DGKB: variants seen among roughly 807,000 people sequenced by gnomAD.
DGKB encodes 90 kDa diacylglycerol kinase.
Under a neutral mutation model 114.3 loss-of-function variants are expected in DGKB, and 67 were observed. The ratio of observed to expected loss-of-function variants is 0.59; its 90% CI spans 0.48 to 0.72. The LOEUF is 0.72. Ranked by LOEUF, DGKB falls within the 30% of genes least tolerant of loss-of-function variation. The pLI is 0.00. For synonymous variants in DGKB, 398 were observed against 323.1 expected (o/e 1.23, Z -2.49); for missense variants, 907 against 975.2 (o/e 0.93, Z 0.93).
At chr7:14,910,665 C>T (rs904190912) in intron 1 of DGKB, among the ~76,000 whole-genome samples, 2 of 152,056 alleles carry the variant, frequency 1.3e-5, no homozygotes, top group Non-Finnish European at 2.9e-5. Context: ...ACTAATTTAT[C>T]CAAAGATATA....
intron 6 of DGKB, among the ~76,000 whole-genome samples, chr7:14,706,524 C>A (rs1366260265): frequency 6.8e-6 from 1 of 146,024 alleles, no homozygotes; most frequent in African/African-American, 2.6e-5. Flanking sequence ...TTTTTTTCAG[C>A]ACCACACCAC....
intron 1 of DGKB, among the ~76,000 whole-genome samples, chr7:14,900,049 T>C (rs1318572282): frequency 6.6e-6 from 1 of 152,138 alleles, no homozygotes; most frequent in Non-Finnish European, 1.5e-5. Context: ...AGAGAGCATA[T>C]GTAAAGCTCT....
rs891571317 is a variant in DGKB, at chr7:14,672,946, T to C, written c.1117A>G (p.Ile373Val). 1.3e-6 allele frequency: 2 copies of C among 1,568,526 alleles called. No individual in the cohort carries two copies. Among genetic ancestry groups the C allele is most frequent in the African/African-American group, 1.3e-5 (1 of 74,186 alleles). The change falls in exon 13 of 26, where the codon ATC (isoleucine) becomes GTC (valine). Residue 373 changes from isoleucine (I) to valine (V), a missense_variant. Ile to Val is a conservative substitution (Grantham distance 29). Transcript: ENST00000402815. ...LKDHILPPTT[I>V]CPVVLTLPTS... Reference sequence around the variant, plus strand: ...AAACTCACCAGTACCACTGGACAGATTGTTGTGGGTGGTAAAATATGGTCC... The same window carrying C: ...AAACTCACCAGTACCACTGGACAGACTGTTGTGGGTGGTAAAATATGGTCC...
At chr7:14,586,184 G>T (rs914595394) in intron 17 of DGKB, among the ~76,000 whole-genome samples, 1 of 152,228 alleles carries the variant, frequency 6.6e-6, no homozygotes, top group East Asian at 1.9e-4. Flanking sequence ...CGAAGGCAAA[G>T]TTATTGAAGG....
rs547662392 is a variant in DGKB, at chr7:14,488,260, C to A, written c.1771-10035G>T. 4.6e-5 allele frequency among the ~76,000 whole-genome samples: 7 copies of A among 151,948 alleles called. No individual in the cohort carries two copies. In the South Asian group the frequency reaches 1.5e-3, roughly 32 times the overall value. On this transcript the variant is annotated intron_variant, in intron 20 of 25. Coordinates refer to ENST00000402815, the MANE Select transcript of DGKB (RefSeq NM_001350709.2). ...AAGAAGAGAATATAAATTATAAATCCCACTCTTGCTCTTTCCTGCGTACAA... is the reference window on the plus strand; with the variant it reads ...AAGAAGAGAATATAAATTATAAATCACACTCTTGCTCTTTCCTGCGTACAA...
chr7:14,868,790 A>G (rs1021162785), intron 1 of DGKB, among the ~76,000 whole-genome samples: 14 of 152,094 alleles, frequency 9.2e-5, no homozygotes, highest in African/African-American at 3.1e-4. Context: ...AATGGTGACT[A>G]CCTCAAAGCT....
chr7:14,779,353 T>A (rs1430922079), intron 2 of DGKB, among the ~76,000 whole-genome samples: 1 of 151,796 alleles, frequency 6.6e-6, no homozygotes, highest in Non-Finnish European at 1.5e-5. Flanking sequence ...CTGGGAAACA[T>A]GGTGAAACCT....
intron 20 of DGKB, among the ~76,000 whole-genome samples, chr7:14,507,482 T>C (rs1787272244): frequency 6.6e-6 from 1 of 152,214 alleles, no homozygotes; most frequent in South Asian, 2.1e-4. Flanking sequence ...TACTAGTTAA[T>C]AATTAAATAT....
chr7:14,163,783 T>C (rs1294324871), intron 25 of DGKB, among the ~76,000 whole-genome samples: 2 of 151,964 alleles, frequency 1.3e-5, no homozygotes, highest in Admixed American at 1.3e-4. Context: ...TCACCTGAGG[T>C]CAGGAATTCG....
chr7:14,327,832 C>T (rs909153824), intron 23 of DGKB, among the ~76,000 whole-genome samples: 1 of 152,000 alleles, frequency 6.6e-6, no homozygotes, highest in Non-Finnish European at 1.5e-5. Context: ...TTTGTAAAGC[C>T]ATCACTGATT....
At chr7:14,373,175 C>A (rs1482263584) in intron 21 of DGKB, among the ~76,000 whole-genome samples, 5 of 152,192 alleles carry the variant, frequency 3.3e-5, no homozygotes, top group Non-Finnish European at 5.9e-5. Flanking sequence ...AAACAGAGCT[C>A]TGCAACCCCT....
intron 1 of DGKB, among the ~76,000 whole-genome samples, chr7:14,941,556 G>A (rs1785573185): frequency 1.3e-5 from 2 of 152,028 alleles, no homozygotes; most frequent in Non-Finnish European, 1.5e-5. Context: ...AACATATATA[G>A]TTACTTGTGA....
intron 21 of DGKB, among the ~76,000 whole-genome samples, chr7:14,434,546 A>T (rs1828956177): frequency 6.6e-6 from 1 of 152,076 alleles, no homozygotes; most frequent in African/African-American, 2.4e-5. Context: ...AAACATACAA[A>T]AGTAGCTCCT....
At chr7:14,721,864 T>A (rs1452569201) in intron 5 of DGKB, among the ~76,000 whole-genome samples, 2 of 152,194 alleles carry the variant, frequency 1.3e-5, no homozygotes, top group Non-Finnish European at 2.9e-5. Flanking sequence ...TTTAAAACTA[T>A]TCTTTTTTAA....
At chr7:14,529,074 T>C (rs1311615108) in intron 20 of DGKB, among the ~76,000 whole-genome samples, 1 of 150,782 alleles carries the variant, frequency 6.6e-6, no homozygotes, top group Non-Finnish European at 1.5e-5. Context: ...CTTCCTAAAA[T>C]AATGAAGTAA....
At chr7:14,970,144 A>G (rs954771645) in intron 1 of DGKB, among the ~76,000 whole-genome samples, 11 of 152,324 alleles carry the variant, frequency 7.2e-5, no homozygotes, top group African/African-American at 1.7e-4. Flanking sequence ...CATGACTTCA[A>G]TCATTCATTA....
At chr7:14,305,669 T>C (rs539445585) in intron 23 of DGKB, among the ~76,000 whole-genome samples, 2 of 152,278 alleles carry the variant, frequency 1.3e-5, no homozygotes, top group African/African-American at 4.8e-5. Flanking sequence ...GGGTTGACGG[T>C]CTTCCTGGCA....
chr7:14,834,667 T>C (rs1846898437), intron 2 of DGKB, among the ~76,000 whole-genome samples: 1 of 152,138 alleles, frequency 6.6e-6, no homozygotes, highest in Admixed American at 6.5e-5. Flanking sequence ...GGAAATGTAA[T>C]ATGAGCAAAA....
intron 21 of DGKB, among the ~76,000 whole-genome samples, chr7:14,421,650 C>T (rs972792817): frequency 1.3e-5 from 2 of 152,038 alleles, no homozygotes; most frequent in Non-Finnish European, 2.9e-5. Context: ...TTCACTCAGT[C>T]TCAAAATGCA....
Sources: gnomAD v4.1 joint callset for allele counts (sites outside exome capture counted in the v4.1 genomes callset) on GRCh38, gnomAD v4.1.1 for gene constraint, MANE v1.5 for transcripts, NCBI Gene and HGNC (gene_info 2026-07-23, HGNC 2026-07-21) for gene names.